The following FANCC variants were observed in gnomAD, a reference collection of about 807,000 sequenced individuals.
FANCC encodes the protein FA complementation group C.
In FANCC, 55 loss-of-function variants were observed where a neutral mutation model predicts 71.3. That is an observed-to-expected ratio of 0.77 (90% confidence interval 0.62 to 0.97). The LOEUF is 0.97. Ranked by LOEUF, FANCC falls within the 50% of genes least tolerant of loss-of-function variation. FANCC has a pLI of 0.00. For missense variants in FANCC, 678 were observed against 670.9 expected (o/e 1.01, Z -0.12); for synonymous variants, 275 against 244.9 (o/e 1.12, Z -1.15).
At chr9:95,158,642 A>G (rs1261919096) in intron 6 of FANCC, among the ~76,000 whole-genome samples, 4 of 152,254 alleles carry the variant, frequency 2.6e-5, no homozygotes, top group Admixed American at 1.3e-4. Flanking sequence ...ATGTCACCAT[A>G]AAGTATTCAG....
chr9:95,309,378 G>T (rs1835252191), intron 1 of FANCC, among the ~76,000 whole-genome samples: 1 of 152,104 alleles, frequency 6.6e-6, no homozygotes, highest in Non-Finnish European at 1.5e-5. Context: ...CTAGCTAACG[G>T]CTTCAAGCAA....
At chr9:95,261,546 TG>T (rs1832048404) in intron 1 of FANCC, among the ~76,000 whole-genome samples, 2 of 152,308 alleles carry the variant, frequency 1.3e-5, no homozygotes, top group Admixed American at 6.5e-5. Flanking sequence ...GCAATTGGCA[TG>T]AAAAATCAGA....
chr9:95,295,438 T>C (rs1588432063), intron 1 of FANCC, among the ~76,000 whole-genome samples: 1 of 152,054 alleles, frequency 6.6e-6, no homozygotes, highest in Non-Finnish European at 1.5e-5. Context: ...CAAAGGGACC[T>C]GAACCAACTT....
chr9:95,227,440 AG>A (rs1314991189), intron 4 of FANCC, among the ~76,000 whole-genome samples: 2 of 152,186 alleles, frequency 1.3e-5, no homozygotes, highest in East Asian at 1.9e-4. Context: ...TTAGGTGTAA[AG>A]GAACTGTCCA....
intron 1 of FANCC, among the ~76,000 whole-genome samples, chr9:95,263,020 G>A (rs559942100): frequency 4.6e-5 from 7 of 152,278 alleles, no homozygotes; most frequent in South Asian, 2.1e-4. Context: ...GATGGATGGC[G>A]GCAATGGTTA....
chr9:95,238,785 T>C (rs894285365), intron 4 of FANCC, among the ~76,000 whole-genome samples: 3 of 152,146 alleles, frequency 2.0e-5, no homozygotes, highest in African/African-American at 7.2e-5. Flanking sequence ...CAGGATGGTT[T>C]TGATCTCCTG....
At chr9:95,205,433 G>A (rs899479056) in intron 4 of FANCC, among the ~76,000 whole-genome samples, 2 of 151,984 alleles carry the variant, frequency 1.3e-5, no homozygotes, top group African/African-American at 4.8e-5. Flanking sequence ...TAGGAACAGT[G>A]TCTATAATTT....
chr9:95,156,583 C>T lies in FANCC; in HGVS notation c.522-6496G>A, dbSNP rs73654536. On this transcript the variant is annotated intron_variant, in intron 6 of 14. Transcript: ENST00000289081. ...ATTGAATTTAAAAAGCAATTTGATG[C>T]GTAACATGCTTTTTGAGCCCTTTTA... 3.8e-3 allele frequency among the ~76,000 whole-genome samples: 573 copies of T among 152,130 alleles called. 2 individuals are homozygous for T. The highest frequency in any genetic ancestry group is 0.013 in the African/African-American group (554 of 41,486).
intron 8 of FANCC, among the ~76,000 whole-genome samples, chr9:95,133,120 G>C (rs1310643739): frequency 6.6e-6 from 1 of 152,228 alleles, no homozygotes; most frequent in East Asian, 1.9e-4. Context: ...TGCGATAAAT[G>C]AATCAGATGA....
chr9:95,231,437 C>T (rs923978479), intron 4 of FANCC, among the ~76,000 whole-genome samples: 2 of 149,666 alleles, frequency 1.3e-5, no homozygotes, highest in South Asian at 2.1e-4. Flanking sequence ...AGCAGGGAGG[C>T]GCCTGGCCCC....
chr9:95,302,051 C>T (rs1320872142), intron 1 of FANCC, among the ~76,000 whole-genome samples: 1 of 128,784 alleles, frequency 7.8e-6, no homozygotes, highest in Non-Finnish European at 1.5e-5. Context: ...CACTGCACTC[C>T]AGCCTGGGAG....
intron 1 of FANCC, among the ~76,000 whole-genome samples, chr9:95,252,837 C>G (rs1831435182): frequency 6.7e-6 from 1 of 150,146 alleles, no homozygotes; most frequent in African/African-American, 2.5e-5. Context: ...TCGCTTGAGG[C>G]CAGGAGTTTG....
chr9:95,221,033 C>A (rs890304090), intron 4 of FANCC, among the ~76,000 whole-genome samples: 2 of 151,766 alleles, frequency 1.3e-5, no homozygotes, highest in African/African-American at 4.8e-5. Flanking sequence ...AGATCGAGAC[C>A]ACCCTGGCCA....
At chr9:95,136,636 G>A (rs780124780) in intron 7 of FANCC, among the ~76,000 whole-genome samples, 4 of 152,142 alleles carry the variant, frequency 2.6e-5, no homozygotes, top group Non-Finnish European at 4.4e-5. Flanking sequence ...ACAGGTGCAC[G>A]TCACCACATC....
At chr9:95,276,520 C>T (rs2136240843) in intron 1 of FANCC, among the ~76,000 whole-genome samples, 1 of 152,262 alleles carries the variant, frequency 6.6e-6, no homozygotes, top group Non-Finnish European at 1.5e-5. Context: ...CTATGTATAC[C>T]TAACCTAAGG....
At chr9:95,163,872 C>T (rs1276365668) in intron 6 of FANCC, among the ~76,000 whole-genome samples, 1 of 152,166 alleles carries the variant, frequency 6.6e-6, no homozygotes, top group Admixed American at 6.5e-5. Context: ...AACAAACAAA[C>T]AAACCCCAAA....
At chr9:95,224,130 T>G (rs1829459857) in intron 4 of FANCC, among the ~76,000 whole-genome samples, 1 of 152,230 alleles carries the variant, frequency 6.6e-6, no homozygotes, top group African/African-American at 2.4e-5. Context: ...GCAGTTTGTA[T>G]TCACTAAAAA....
rs199567444 is a variant in FANCC at position 95,222,301 on chromosome 9, GAAC to G, written c.345+18345_345+18347del. On this transcript the variant is annotated intron_variant, in intron 4 of 14. Transcript: ENST00000289081. ...ATACAACATACCATTGGAACATTCTGAACAATAAAAAGTAATCAGCTACATATA... is the reference window on the plus strand; with the variant it reads ...ATACAACATACCATTGGAACATTCTGAATAAAAAGTAATCAGCTACATATA... 3.2e-3 allele frequency among the ~76,000 whole-genome samples: 481 copies of G among 151,896 alleles called. 9 individuals carry two copies. In the East Asian group the frequency reaches 0.044, roughly 14 times the overall value.
At chr9:95,135,286 A>G (rs930637204) in intron 8 of FANCC, 60 bp downstream of exon 8, 47 of 1,534,526 alleles carry the variant, frequency 3.1e-5, no homozygotes, top group Non-Finnish European at 2.7e-6. Context: ...TCTGACTAAA[A>G]GAAATGATTC....
Sources: gnomAD v4.1 joint callset for allele counts (sites outside exome capture counted in the v4.1 genomes callset) on GRCh38, gnomAD v4.1.1 for gene constraint, MANE v1.5 for transcripts, NCBI Gene and HGNC (gene_info 2026-07-23, HGNC 2026-07-21) for gene names.